Variants in SIK3 observed in about 807,000 individuals in gnomAD.
SIK3 encodes the protein serine/threonine-protein kinase SIK3.
A neutral mutation model predicts 144.2 loss-of-function variants in SIK3; 28 were observed. That is an observed-to-expected ratio of 0.19 (90% CI 0.14 to 0.27). The LOEUF (loss-of-function observed/expected upper bound fraction) is 0.27. Among genes scored for constraint, SIK3 ranks in the 10% least tolerant of loss-of-function variants. The pLI, the probability that SIK3 is intolerant of heterozygous loss-of-function variation, is 1.00. For synonymous variants in SIK3, 686 were observed against 676.3 expected (o/e 1.01, Z -0.22); for missense variants, 1,319 against 1,776.0 (o/e 0.74, Z 4.62).
At chr11:116,887,672 G>A (rs1944897659) in intron 6 of SIK3, among the ~76,000 whole-genome samples, 2 of 151,804 alleles carry the variant, frequency 1.3e-5, no homozygotes, top group Admixed American at 6.6e-5. Flanking sequence ...TGATGACTCA[G>A]TTTTTCATTC....
At chr11:116,895,785 C>G (rs1367066181) in intron 6 of SIK3, among the ~76,000 whole-genome samples, 1 of 152,092 alleles carries the variant, frequency 6.6e-6, no homozygotes, top group Non-Finnish European at 1.5e-5. Context: ...GAAGCAGTAG[C>G]AAGACTAAGA....
intron 1 of SIK3, among the ~76,000 whole-genome samples, chr11:117,075,911 C>CGTGT (rs1954508735): frequency 7.3e-6 from 1 of 137,910 alleles, no homozygotes; most frequent in Non-Finnish European, 1.5e-5. Flanking sequence ...GTGCAATGCA[C>CGTGT]GATCTCGGCT....
At chr11:116,979,819 C>T (rs1398123915) in intron 1 of SIK3, among the ~76,000 whole-genome samples, 1 of 151,988 alleles carries the variant, frequency 6.6e-6, no homozygotes, top group Non-Finnish European at 1.5e-5. Flanking sequence ...TGCACTCTAG[C>T]CTGGCCAACA....
intron 1 of SIK3, among the ~76,000 whole-genome samples, chr11:117,086,994 CAA>C (rs907856897): frequency 3.0e-4 from 20 of 66,698 alleles, no homozygotes; most frequent in African/African-American, 2.0e-4. Flanking sequence ...GACTCCATCT[CAA>C]AAAAAAAAAA....
chr11:117,094,094 C>T (rs1469215878), intron 1 of SIK3, among the ~76,000 whole-genome samples: 3 of 152,122 alleles, frequency 2.0e-5, no homozygotes, highest in African/African-American at 4.8e-5. Context: ...TCCCACTTTA[C>T]AGATGAGGAA....
chr11:116,961,846 C>A (rs768870694), intron 1 of SIK3, among the ~76,000 whole-genome samples: 1 of 152,090 alleles, frequency 6.6e-6, no homozygotes, highest in Non-Finnish European at 1.5e-5. Flanking sequence ...AAGACATTCC[C>A]ATTCAACAAA....
At chr11:116,905,839 C>T (rs1007286714) in intron 4 of SIK3, among the ~76,000 whole-genome samples, 2 of 152,080 alleles carry the variant, frequency 1.3e-5, no homozygotes, top group African/African-American at 4.8e-5. Flanking sequence ...TGTGAGTGTT[C>T]TTTATACATT....
intron 1 of SIK3, among the ~76,000 whole-genome samples, chr11:116,995,282 A>G (rs1448466192): frequency 6.6e-6 from 1 of 150,410 alleles, no homozygotes; most frequent in Admixed American, 6.6e-5. Context: ...AAAAAAAAAA[A>G]AGACAGGGTC....
chr11:116,909,379 A>T (rs75920871), intron 4 of SIK3, among the ~76,000 whole-genome samples: 24,245 of 151,728 alleles, frequency 0.16, 2,033 homozygotes, highest in African/African-American at 0.18. Context: ...TACAAAAAAA[A>T]TTTTTTTTCT....
intron 15 of SIK3, among the ~76,000 whole-genome samples, chr11:116,866,028 T>C (rs930003335): frequency 2.0e-5 from 3 of 152,138 alleles, no homozygotes; most frequent in African/African-American, 7.2e-5. Context: ...AGACAGCAGA[T>C]AGATTTCCAG....
At chr11:116,906,288 T>C (rs529290028) in intron 4 of SIK3, among the ~76,000 whole-genome samples, 2 of 152,188 alleles carry the variant, frequency 1.3e-5, no homozygotes, top group South Asian at 2.1e-4. Context: ...GTAGAGAATA[T>C]GGCCCTGAGC....
At chr11:116,876,066 C>A in intron 8 of SIK3, 57 bp from the exon 9 acceptor site, 2 of 1,600,662 alleles carry the variant, frequency 1.2e-6, no homozygotes, top group Non-Finnish European at 1.7e-6. Flanking sequence ...ATGTTGATGA[C>A]CAGAACCCTT....
At chr11:116,951,890 C>T (rs1948952390) in intron 3 of SIK3, among the ~76,000 whole-genome samples, 1 of 150,986 alleles carries the variant, frequency 6.6e-6, no homozygotes, top group Non-Finnish European at 1.5e-5. Context: ...GCTGTGATCC[C>T]GTTACTGCAC....
chr11:116,985,732 G>C (rs975076260), intron 1 of SIK3, among the ~76,000 whole-genome samples: 1 of 152,050 alleles, frequency 6.6e-6, no homozygotes, highest in South Asian at 2.1e-4. Context: ...TAATGAACAC[G>C]AATCAAGAGA....
intron 1 of SIK3, among the ~76,000 whole-genome samples, chr11:117,071,662 G>A (rs191031973): frequency 1.6e-4 from 24 of 152,294 alleles, no homozygotes; most frequent in African/African-American, 5.3e-4. Flanking sequence ...CTGTCCTCCA[G>A]GCTGGAATGC....
At chr11:116,926,597 T>C (rs1218245244) in intron 4 of SIK3, among the ~76,000 whole-genome samples, 1 of 152,248 alleles carries the variant, frequency 6.6e-6, no homozygotes, top group Non-Finnish European at 1.5e-5. Flanking sequence ...ACAATTTTAG[T>C]AGTTTTCCTT....
rs1459849602 is a variant in SIK3, at chr11:116,941,188, G to A, written c.454+12856C>T. Among the ~76,000 whole-genome samples, 8 of 151,884 alleles carry A rather than the reference G, an allele frequency of 5.3e-5. No homozygotes were observed. In the South Asian group the frequency reaches 1.0e-3, roughly 20 times the overall value. On this transcript the variant is annotated intron_variant, in intron 3 of 24. Transcript: ENST00000445177. ...TGCTCGGCTAATTTTTTGTATTTTC[G>A]GTAGAGACGGGCTTTCACCATGTTA...
In SIK3 at chr11:116,849,489, T is replaced by C. The variant is rs1183225019; in HGVS notation, c.3656-206A>G. Among the ~76,000 whole-genome samples, 2 of 152,132 alleles carry C rather than the reference T, an allele frequency of 1.3e-5. No individual in the cohort carries two copies. The highest frequency in any genetic ancestry group is 4.8e-5 in the African/African-American group (2 of 41,426). ...AGCTGTAGGGGAGGGGACCACACCC[T>C]TAGGGAAAAAATTCCACGTAACAGG... On this transcript the variant is annotated intron_variant, in intron 21 of 24. Transcript: ENST00000445177. The surrounding 1 kb of genome is among the most constrained non-coding windows in gnomAD (Gnocchi z 4.2).
chr11:117,082,556 T>C (rs888821043), intron 1 of SIK3, among the ~76,000 whole-genome samples: 1 of 152,234 alleles, frequency 6.6e-6, no homozygotes, highest in Non-Finnish European at 1.5e-5. Context: ...ATTCTATTTA[T>C]ATGAAGTGTC....
Sources: gnomAD v4.1 joint callset for allele counts (sites outside exome capture counted in the v4.1 genomes callset) on GRCh38, gnomAD v4.1.1 for gene constraint, Gnocchi (gnomAD v3.1) non-coding constraint, MANE v1.5 for transcripts, NCBI Gene and HGNC (gene_info 2026-07-23, HGNC 2026-07-21) for gene names.